Variants in ACTR3C observed in about 807,000 individuals in gnomAD.
ACTR3C encodes actin-related protein 3C.
In ACTR3C, 18 loss-of-function variants were observed where a neutral mutation model predicts 26.3. The ratio of observed to expected loss-of-function variants is 0.68; its 90% confidence interval spans 0.47 to 1.01. The LOEUF is 1.01. ACTR3C is among the 50% of genes least tolerant of loss of function. ACTR3C has a pLI of 0.00. For synonymous variants in ACTR3C, 55 were observed against 94.5 expected (o/e 0.58, Z 2.42); for missense variants, 184 against 250.7 (o/e 0.73, Z 1.80).
the ACTR3C span, among the ~76,000 whole-genome samples, chr7:150,074,571 C>G: frequency 1.3e-5 from 2 of 149,578 alleles, no homozygotes; most frequent in African/African-American, 4.9e-5. Flanking sequence ...CAAAAGCAGG[C>G]ATTCACCATA....
At chr7:150,245,251 T>C (rs1474226719), downstream of ACTR3C, 3 of 152,268 alleles carry the variant, frequency 2.0e-5, no homozygotes, top group Admixed American at 6.5e-5. Flanking sequence ...TAGTTACTGG[T>C]GGATACAGGT....
At chr7:149,913,347 A>G in the ACTR3C span, among the ~76,000 whole-genome samples, 1 of 152,238 alleles carries the variant, frequency 6.6e-6, no homozygotes, top group Non-Finnish European at 1.5e-5. Flanking sequence ...GCTAGTAACA[A>G]TGTAGCAGGC....
chr7:149,959,617 C>T, the ACTR3C span, among the ~76,000 whole-genome samples: 2 of 152,170 alleles, frequency 1.3e-5, no homozygotes, highest in Non-Finnish European at 2.9e-5. Flanking sequence ...AAAATAATTA[C>T]ACAGGGGGAT....
At chr7:150,287,633 T>C (rs1835897290) in intron 4 of ACTR3C, among the ~76,000 whole-genome samples, 1 of 152,092 alleles carries the variant, frequency 6.6e-6, no homozygotes, top group Non-Finnish European at 1.5e-5. Context: ...CCAAAGACGC[T>C]CTCGTGGTAT....
chr7:150,105,141 G>C, the ACTR3C span, among the ~76,000 whole-genome samples: 2 of 147,736 alleles, frequency 1.4e-5, no homozygotes, highest in Non-Finnish European at 3.0e-5. Flanking sequence ...AGACTGCAGT[G>C]GCGCTATCTC....
chr7:150,198,059 C>G, the ACTR3C span, among the ~76,000 whole-genome samples: 11 of 151,528 alleles, frequency 7.3e-5, no homozygotes, highest in South Asian at 1.0e-3. Flanking sequence ...TTGGCCGGGC[C>G]GGTCTCCAGC....
chr7:150,067,436 T>A, the ACTR3C span, among the ~76,000 whole-genome samples: 1 of 152,206 alleles, frequency 6.6e-6, no homozygotes, highest in Non-Finnish European at 1.5e-5. Flanking sequence ...AAGCCAAGTA[T>A]GTTTATATTT....
the ACTR3C span, among the ~76,000 whole-genome samples, chr7:150,174,570 T>C: frequency 7.7e-6 from 1 of 130,256 alleles, no homozygotes; most frequent in Non-Finnish European, 1.5e-5. Context: ...AATCCTGCTC[T>C]GAAAAAAAAA....
At chr7:150,006,419 G>C in the ACTR3C span, among the ~76,000 whole-genome samples, 286 of 146,624 alleles carry the variant, frequency 2.0e-3, 1 homozygote, top group East Asian at 0.015. Context: ...GGATGGTCTC[G>C]ATCTCCTGAC....
chr7:150,172,205 C>T, the ACTR3C span, among the ~76,000 whole-genome samples: 2 of 150,596 alleles, frequency 1.3e-5, no homozygotes, highest in East Asian at 3.8e-4. Context: ...TCCAAATGTA[C>T]TTGTATTAGT....
At chr7:150,028,859 T>C in the ACTR3C span, among the ~76,000 whole-genome samples, 1 of 152,258 alleles carries the variant, frequency 6.6e-6, no homozygotes, top group African/African-American at 2.4e-5. Flanking sequence ...AGGTTACTTG[T>C]CTGCTATGAG....
At chr7:150,236,116 G>C in the ACTR3C span, among the ~76,000 whole-genome samples, 1 of 152,188 alleles carries the variant, frequency 6.6e-6, no homozygotes. Flanking sequence ...GCAATAACCA[G>C]GGACATTTTT....
chr7:150,111,976 T>C, the ACTR3C span, among the ~76,000 whole-genome samples: 4 of 151,814 alleles, frequency 2.6e-5, no homozygotes, highest in South Asian at 2.1e-4. Context: ...GGGAAAGCAA[T>C]GCAATCTCCA....
At chr7:150,050,791 G>A in the ACTR3C span, among the ~76,000 whole-genome samples, 5 of 152,010 alleles carry the variant, frequency 3.3e-5, no homozygotes. Flanking sequence ...CACACTGAAC[G>A]CGGTGCTTCT....
At chr7:150,006,057 T>C in the ACTR3C span, among the ~76,000 whole-genome samples, 157 of 151,784 alleles carry the variant, frequency 1.0e-3, no homozygotes, top group African/African-American at 2.8e-3. Context: ...GCAGGGGAGG[T>C]GGAGGATTCC....
the ACTR3C span, among the ~76,000 whole-genome samples, chr7:149,917,675 C>T: frequency 8.3e-6 from 1 of 120,466 alleles, no homozygotes; most frequent in African/African-American, 3.2e-5. Flanking sequence ...CTCACTCTGT[C>T]ACCCAGGCTG....
the ACTR3C span, among the ~76,000 whole-genome samples, chr7:150,223,913 G>A: frequency 9.9e-5 from 15 of 152,168 alleles, no homozygotes; most frequent in African/African-American, 3.6e-4. Flanking sequence ...CTGCTTCTAA[G>A]TTAACTCGTG....
chr7:150,047,919 C>T, the ACTR3C span: 1 of 1,319,440 alleles, frequency 7.6e-7, no homozygotes. Context: ...CTCCGGTTCC[C>T]ACTCCCCACC....
At chr7:149,892,007 G>GA in the ACTR3C span, among the ~76,000 whole-genome samples, 2 of 128,972 alleles carry the variant, frequency 1.6e-5, no homozygotes, top group Non-Finnish European at 3.4e-5. Context: ...CAATTTTCCA[G>GA]GGGAGGGGAT....
Sources: allele counts gnomAD v4.1 joint callset (sites outside exome capture counted in the v4.1 genomes callset), GRCh38; gene constraint gnomAD v4.1.1; transcripts MANE v1.5; gene names NCBI Gene and HGNC (gene_info 2026-07-23, HGNC 2026-07-21).